The following NFIL3 variants were observed in gnomAD, a reference collection of about 807,000 sequenced individuals.
The protein encoded by NFIL3 is nuclear factor, interleukin 3 regulated.
A neutral mutation model predicts 10.0 loss-of-function variants in NFIL3; 5 were observed. The observed-to-expected ratio is 0.50, with a 90% CI of 0.26 to 1.06. The LOEUF (loss-of-function observed/expected upper bound fraction) is 1.06. Ranked by LOEUF, NFIL3 falls within the 50% of genes least tolerant of loss-of-function variation. The pLI, the probability that NFIL3 is intolerant of heterozygous loss-of-function variation, is 0.13. For synonymous variants in NFIL3, 202 were observed against 206.5 expected, an observed-to-expected ratio of 0.98 and a Z score of 0.19; for missense variants, 436 against 547.6, an observed-to-expected ratio of 0.80 and a Z score of 2.03.
the NFIL3 span, among the ~76,000 whole-genome samples, chr9:91,468,058 G>A: frequency 2.0e-5 from 3 of 152,156 alleles, no homozygotes; most frequent in African/African-American, 7.2e-5. Flanking sequence ...ACCCAGTAAT[G>A]GGATGGCTGG....
At chr9:91,468,099 G>A in the NFIL3 span, among the ~76,000 whole-genome samples, 10 of 152,198 alleles carry the variant, frequency 6.6e-5, no homozygotes, top group African/African-American at 2.4e-4. Flanking sequence ...CTAGATCCTT[G>A]AGGAATCACC....
At chr9:91,415,282 C>A (rs889453267) in intron 1 of NFIL3, among the ~76,000 whole-genome samples, 10 of 152,162 alleles carry the variant, frequency 6.6e-5, no homozygotes, top group Admixed American at 5.9e-4. Flanking sequence ...CAAAAACAAT[C>A]ATAATTGGTG....
the NFIL3 span, among the ~76,000 whole-genome samples, chr9:91,472,070 T>C: frequency 3.3e-5 from 5 of 152,206 alleles, no homozygotes; most frequent in Non-Finnish European, 7.3e-5. Context: ...TGCCGAGAGA[T>C]CAGCTGTTAG....
chr9:91,422,511 T>C (rs758049618), intron 1 of NFIL3, among the ~76,000 whole-genome samples: 15 of 152,132 alleles, frequency 9.9e-5, no homozygotes, highest in Non-Finnish European at 2.1e-4. Flanking sequence ...AGGCTGAGAC[T>C]GTCCTACTTT....
chr9:91,426,053 A>G (rs963044386), upstream of NFIL3, among the ~76,000 whole-genome samples: 1 of 152,224 alleles, frequency 6.6e-6, no homozygotes, highest in African/African-American at 2.4e-5. Flanking sequence ...TCGACCTTCA[A>G]GACAGGTAAA....
chr9:91,441,583 C>CT, the NFIL3 span, among the ~76,000 whole-genome samples: 4 of 151,982 alleles, frequency 2.6e-5, no homozygotes, highest in East Asian at 7.7e-4. Flanking sequence ...GGATCCTTTG[C>CT]TTTTTTTGTC....
At chr9:91,480,641 C>T in the NFIL3 span, among the ~76,000 whole-genome samples, 11 of 152,142 alleles carry the variant, frequency 7.2e-5, no homozygotes, top group East Asian at 1.9e-4. Flanking sequence ...CGATGGACTA[C>T]GGGTTTTGAA....
chr9:91,429,492 C>T, the NFIL3 span, among the ~76,000 whole-genome samples: 2 of 152,108 alleles, frequency 1.3e-5, no homozygotes, highest in East Asian at 3.8e-4. Flanking sequence ...GTAACATGGA[C>T]AAGAGAAAAT....
chr9:91,438,164 T>C, the NFIL3 span, among the ~76,000 whole-genome samples: 1 of 152,212 alleles, frequency 6.6e-6, no homozygotes, highest in African/African-American at 2.4e-5. Context: ...ACATACTTCC[T>C]AACATTCGTT....
intron 1 of NFIL3, among the ~76,000 whole-genome samples, chr9:91,419,134 AATTAC>A (rs1833712224): frequency 6.6e-6 from 1 of 152,244 alleles, no homozygotes; most frequent in Admixed American, 6.5e-5. Context: ...AGGCAATTTC[AATTAC>A]ATTGTTTCTG....
chr9:91,434,530 C>G, the NFIL3 span, among the ~76,000 whole-genome samples: 2 of 152,104 alleles, frequency 1.3e-5, no homozygotes, highest in African/African-American at 4.8e-5. Flanking sequence ...AACAGGTCTA[C>G]ATGAAACCCA....
At chr9:91,468,603 G>A in the NFIL3 span, among the ~76,000 whole-genome samples, 1 of 152,130 alleles carries the variant, frequency 6.6e-6, no homozygotes, top group Non-Finnish European at 1.5e-5. Context: ...TAGTCATGAA[G>A]TCCTTGCCCA....
intron 1 of NFIL3, among the ~76,000 whole-genome samples, chr9:91,413,514 G>C (rs549007886): frequency 6.6e-6 from 1 of 152,216 alleles, no homozygotes; most frequent in African/African-American, 2.4e-5. Context: ...GACTCCCAAA[G>C]TGCTGGGATT....
chr9:91,410,451 C>T lies in NFIL3; in HGVS notation c.284G>A (p.Arg95Gln). 1 of 1,614,186 alleles carries T rather than the reference C, an allele frequency of 6.2e-7. No individual in the cohort carries two copies. Among genetic ancestry groups the T allele is most frequent in the Non-Finnish European group, 8.5e-7 (1 of 1,180,032 alleles). Reference protein sequence around the residue: ...EAAKRSREKRRLNDLVLENKL... With the variant: ...EAAKRSREKRQLNDLVLENKL... ...GTTCTCTAAAACCAGGTCATTCAGT[C>T]GACGCTTCTCACGAGATCTTTTGGC... The change falls in exon 2 of 2, where the codon CGA (arginine) becomes CAA (glutamine). Residue 95 changes from arginine (R) to glutamine (Q), a missense_variant. Physicochemically the swap from Arg to Gln is conservative, Grantham distance 43 (BLOSUM62 1). This residue lies in a region of NFIL3 where 22 missense variants were observed against 74.7 expected (regional missense o/e 0.29). Transcript: ENST00000297689. The surrounding 1 kb of genome is among the most constrained non-coding windows in gnomAD (Gnocchi z 5.7).
intron 1 of NFIL3, among the ~76,000 whole-genome samples, chr9:91,420,309 C>T (rs2118022860): frequency 6.6e-6 from 1 of 151,876 alleles, no homozygotes; most frequent in East Asian, 1.9e-4. Context: ...CGAATCCTTA[C>T]TGTTACTGCG....
chr9:91,440,958 T>G, the NFIL3 span, among the ~76,000 whole-genome samples: 1 of 152,160 alleles, frequency 6.6e-6, no homozygotes, highest in Non-Finnish European at 1.5e-5. Flanking sequence ...CATGTGTACT[T>G]GAGAAAAATG....
chr9:91,473,158 G>A, the NFIL3 span, among the ~76,000 whole-genome samples: 2 of 152,306 alleles, frequency 1.3e-5, no homozygotes, highest in East Asian at 1.9e-4. Context: ...TAGGCTACAC[G>A]GGGGTCAGGC....
the NFIL3 span, among the ~76,000 whole-genome samples, chr9:91,450,994 A>G: frequency 6.6e-6 from 1 of 152,152 alleles, no homozygotes; most frequent in African/African-American, 2.4e-5. Flanking sequence ...TTTTTCTGAA[A>G]ACCAAATTTC....
At chr9:91,480,144 A>T in the NFIL3 span, among the ~76,000 whole-genome samples, 75 of 140,618 alleles carry the variant, frequency 5.3e-4, no homozygotes, top group African/African-American at 1.3e-3. Flanking sequence ...ATAATCTAAT[A>T]TTTTTTTTTT....
Sources: allele counts gnomAD v4.1 joint callset (sites outside exome capture counted in the v4.1 genomes callset), GRCh38; gene constraint gnomAD v4.1.1; regional missense constraint gnomAD v4.1.1; non-coding constraint Gnocchi (gnomAD v3.1); transcripts MANE v1.5; gene names NCBI Gene and HGNC (gene_info 2026-07-23, HGNC 2026-07-21).